Variants in ADAMTS6 observed in about 807,000 individuals in gnomAD.
ADAMTS6 encodes the protein ADAM metallopeptidase with thrombospondin type 1 motif 6.
Under a neutral mutation model 144.3 loss-of-function variants are expected in ADAMTS6, and 23 were observed. The observed-to-expected ratio is 0.16, with a 90% confidence interval of 0.11 to 0.23. The LOEUF (loss-of-function observed/expected upper bound fraction) is 0.23, where lower values mean the gene tolerates loss of function less well. Ranked by LOEUF, ADAMTS6 falls within the 10% of genes least tolerant of loss-of-function variation. ADAMTS6 has a pLI of 1.00. For missense variants in ADAMTS6, 999 were observed against 1,379.6 expected (o/e 0.72, Z 4.37); for synonymous variants, 444 against 457.5 (o/e 0.97, Z 0.38).
chr5:65,298,807 T>C (rs191531615), intron 10 of ADAMTS6, among the ~76,000 whole-genome samples: 4 of 152,240 alleles, frequency 2.6e-5, no homozygotes, highest in African/African-American at 7.2e-5. Flanking sequence ...TAATAAAGCA[T>C]TGTGCTAGGT....
At chr5:65,432,841 G>C (rs1757099291) in intron 7 of ADAMTS6, among the ~76,000 whole-genome samples, 1 of 151,960 alleles carries the variant, frequency 6.6e-6, no homozygotes, top group Admixed American at 6.6e-5. Flanking sequence ...AACCCAGTAA[G>C]CTCATTCTTT....
chr5:65,331,100 T>G (rs1002349485), intron 8 of ADAMTS6, among the ~76,000 whole-genome samples: 1 of 152,072 alleles, frequency 6.6e-6, no homozygotes, highest in African/African-American at 2.4e-5. Context: ...CATTATATTA[T>G]CTGGCTTTAA....
chr5:65,298,468 T>C (rs980908294), intron 10 of ADAMTS6, among the ~76,000 whole-genome samples: 3 of 152,138 alleles, frequency 2.0e-5, no homozygotes, highest in African/African-American at 7.2e-5. Context: ...TGACTTGATG[T>C]CTAGGGAGAG....
chr5:65,228,542 G>T (rs746076742), intron 15 of ADAMTS6, among the ~76,000 whole-genome samples: 1 of 151,972 alleles, frequency 6.6e-6, no homozygotes, highest in Non-Finnish European at 1.5e-5. Context: ...ATAGACAAGT[G>T]TACCTTTATG....
At position 65,258,181 on chromosome 5, in the gene ADAMTS6, G is replaced by A. The variant is rs553078990; in HGVS notation, c.1830+2419C>T. ...GTCCTAGAGTTGTAGGGAGTGGAGA[G>A]GGTTGCAATTTTAAGTTCAGTACTC... On this transcript the variant is annotated intron_variant, in intron 14 of 24. Coordinates refer to ENST00000381055, the MANE Select transcript of ADAMTS6 (RefSeq NM_197941.4). 2.0e-5 allele frequency among the ~76,000 whole-genome samples: 3 copies of A among 152,218 alleles called. No individual in the cohort carries two copies. In the South Asian group the frequency reaches 6.2e-4, roughly 32 times the overall value.
At chr5:65,440,224 C>T (rs915434448) in intron 7 of ADAMTS6, among the ~76,000 whole-genome samples, 1 of 152,176 alleles carries the variant, frequency 6.6e-6, no homozygotes, top group African/African-American at 2.4e-5. Flanking sequence ...CCTGGGACTT[C>T]TGCTTCCAGA....
In ADAMTS6 at chr5:65,322,538, A is replaced by T. The variant is rs1238498990; in HGVS notation, c.1223+6840T>A. Among the ~76,000 whole-genome samples, 8 of 138,608 alleles carry T rather than the reference A, an allele frequency of 5.8e-5. No homozygotes were observed. The East Asian group carries it at 1.5e-3, about 25-fold the overall frequency. The allele number at this position is 138,608 out of a possible 152,430, so 90.9% of individuals were successfully genotyped here. A position where few individuals can be genotyped will look rare whatever the true frequency, so the allele number is the denominator to read the frequency against. ...TTTTCATTTGTCTGTGTCATCTCTG[A>T]TTTCTTTGAGCAGTGGTATGTAGTT... On this transcript the variant is annotated intron_variant, in intron 9 of 24. Coordinates refer to ENST00000381055, the MANE Select transcript of ADAMTS6 (RefSeq NM_197941.4).
At chr5:65,230,664 AAC>A (rs1477881494) in intron 15 of ADAMTS6, among the ~76,000 whole-genome samples, 1 of 112,166 alleles carries the variant, frequency 8.9e-6, no homozygotes, top group East Asian at 2.4e-4. Context: ...AAATATATAT[AAC>A]ACATATGTAT....
At chr5:65,445,497 CCGA>C in intron 7 of ADAMTS6, among the ~76,000 whole-genome samples, 2 of 152,104 alleles carry the variant, frequency 1.3e-5, no homozygotes, top group Admixed American at 1.3e-4. Context: ...GCCACCACGC[CCGA>C]CTAATGTTTT....
chr5:65,316,740 A>G (rs1462853130), intron 9 of ADAMTS6, among the ~76,000 whole-genome samples: 1 of 152,210 alleles, frequency 6.6e-6, no homozygotes, highest in Non-Finnish European at 1.5e-5. Flanking sequence ...TTAAGGATAA[A>G]AATAAACATT....
At position 65,170,359 on chromosome 5, in the gene ADAMTS6, G is replaced by T. The variant is rs149865046; in HGVS notation, c.3244+258C>A. 1.3e-4 allele frequency among the ~76,000 whole-genome samples: 20 copies of T among 152,284 alleles called. No homozygotes were observed. The East Asian group carries it at 3.7e-3, about 28-fold the overall frequency. ...GAATACAAGGCTGGATATGATCTTA[G>T]AGATTATCTACTCCAATTTCTTATT... is the stretch of plus-strand genomic sequence containing the variant. On this transcript the variant is annotated intron_variant, in intron 24 of 24. Transcript: ENST00000381055.
chr5:65,184,081 T>G (rs1481706009), intron 22 of ADAMTS6, among the ~76,000 whole-genome samples: 1 of 152,238 alleles, frequency 6.6e-6, no homozygotes, highest in Admixed American at 6.5e-5. Flanking sequence ...TTCATATAAT[T>G]AGAATCTCAT....
chr5:65,434,531 AG>A (rs1757238348), intron 7 of ADAMTS6, among the ~76,000 whole-genome samples: 1 of 152,178 alleles, frequency 6.6e-6, no homozygotes, highest in Non-Finnish European at 1.5e-5. Context: ...CTACGACATG[AG>A]GAGGGAAAAG....
At chr5:65,331,279 A>G (rs1746691792) in intron 8 of ADAMTS6, among the ~76,000 whole-genome samples, 1 of 152,066 alleles carries the variant, frequency 6.6e-6, no homozygotes, top group African/African-American at 2.4e-5. Flanking sequence ...CTATTATTCC[A>G]TGGGTTAGCT....
intron 14 of ADAMTS6, among the ~76,000 whole-genome samples, chr5:65,254,048 T>C (rs1460445091): frequency 6.6e-6 from 1 of 151,910 alleles, no homozygotes; most frequent in African/African-American, 2.4e-5. Flanking sequence ...TTTCACCATG[T>C]TGCCCAGGCT....
chr5:65,213,811 G>T (rs1374125654), intron 20 of ADAMTS6, among the ~76,000 whole-genome samples: 1 of 152,122 alleles, frequency 6.6e-6, no homozygotes, highest in Non-Finnish European at 1.5e-5. Flanking sequence ...TAAAAAAGGA[G>T]TATAGGTAAT....
chr5:65,320,744 T>C (rs1745536058), intron 9 of ADAMTS6, among the ~76,000 whole-genome samples: 1 of 152,134 alleles, frequency 6.6e-6, no homozygotes, highest in Non-Finnish European at 1.5e-5. Flanking sequence ...TTTCCCCCTT[T>C]ATGTGTCCAT....
Position 65,481,370 on chromosome 5 carries a change from A to G in ADAMTS6, c.-307T>C, listed in dbSNP as rs1247486898. ...TTTTCATCTTCAAATTCTGATAAAAAGTAAGTTTCAGACAATAGAGATTGC... is the reference window on the plus strand; with the variant it reads ...TTTTCATCTTCAAATTCTGATAAAAGGTAAGTTTCAGACAATAGAGATTGC... On this transcript the variant is annotated 5_prime_UTR_variant, in exon 1 of 25. Transcript: ENST00000381055. 6.6e-6 allele frequency: 1 copy of G among 151,462 alleles called. No individual in the cohort carries two copies. The highest frequency in any genetic ancestry group is 2.4e-5 in the African/African-American group (1 of 41,366). 9.4% of individuals were successfully genotyped at this position (151,462 alleles called of 1,614,324 possible). A position where few individuals can be genotyped will look rare whatever the true frequency, so the allele number is the denominator to read the frequency against.
chr5:65,353,937 T>C (rs1749084850), intron 7 of ADAMTS6, among the ~76,000 whole-genome samples: 1 of 151,954 alleles, frequency 6.6e-6, no homozygotes, highest in Non-Finnish European at 1.5e-5. Context: ...ATTGTTGCAG[T>C]AGTAATGACT....
Sources: gnomAD v4.1 joint callset for allele counts (sites outside exome capture counted in the v4.1 genomes callset) on GRCh38, gnomAD v4.1.1 for gene constraint, MANE v1.5 for transcripts, NCBI Gene and HGNC (gene_info 2026-07-23, HGNC 2026-07-21) for gene names.